The following SHB variants were observed in gnomAD, a reference collection of about 807,000 sequenced individuals.
SHB encodes SH2 domain containing adaptor protein B.
A neutral mutation model predicts 52.3 loss-of-function variants in SHB; 20 were observed. The observed-to-expected ratio is 0.38, with a 90% confidence interval of 0.27 to 0.56. The LOEUF (loss-of-function observed/expected upper bound fraction) is 0.56. SHB is among the 20% of genes least tolerant of loss of function. The pLI is 0.71. For synonymous variants in SHB, 397 were observed against 316.5 expected (o/e 1.25, Z -2.70); for missense variants, 825 against 723.3 (o/e 1.14, Z -1.61).
At chr9:37,944,257 G>A (rs1305412875) in intron 5 of SHB, among the ~76,000 whole-genome samples, 1 of 152,198 alleles carries the variant, frequency 6.6e-6, no homozygotes, top group Non-Finnish European at 1.5e-5. Flanking sequence ...TGCAAGTGCA[G>A]AAAGTTGGGG....
intron 3 of SHB, among the ~76,000 whole-genome samples, chr9:37,971,524 G>A (rs543221960): frequency 5.9e-4 from 90 of 152,326 alleles, no homozygotes; most frequent in African/African-American, 1.9e-3. Flanking sequence ...CAGCTCCTGA[G>A]TGAGATGGCC....
chr9:37,981,773 T>C (rs1564093794), intron 2 of SHB, among the ~76,000 whole-genome samples: 1 of 152,144 alleles, frequency 6.6e-6, no homozygotes, highest in Non-Finnish European at 1.5e-5. Flanking sequence ...ATTTCAACAT[T>C]GTTGTGTTTT....
intron 1 of SHB, among the ~76,000 whole-genome samples, chr9:38,026,846 C>G (rs942003934): frequency 6.6e-6 from 1 of 152,186 alleles, no homozygotes; most frequent in African/African-American, 2.4e-5. Context: ...GCTGTTCAGT[C>G]CGATCACCTC....
chr9:37,949,407 A>G (rs956743300), intron 4 of SHB, among the ~76,000 whole-genome samples: 48 of 151,696 alleles, frequency 3.2e-4, no homozygotes, highest in Non-Finnish European at 3.8e-4. Context: ...AAAAAAAAAA[A>G]AAAGAAAAAG....
intron 1 of SHB, among the ~76,000 whole-genome samples, chr9:38,058,792 C>T (rs561804881): frequency 1.3e-5 from 2 of 152,198 alleles, no homozygotes; most frequent in Non-Finnish European, 2.9e-5. Flanking sequence ...CTGCCTCAGG[C>T]TTCTGCACTG....
At chr9:38,020,531 T>C (rs1821268429) in intron 1 of SHB, among the ~76,000 whole-genome samples, 1 of 152,230 alleles carries the variant, frequency 6.6e-6, no homozygotes, top group African/African-American at 2.4e-5. Flanking sequence ...TGCAGCTCTT[T>C]TGTTTTCTTC....
At chr9:38,012,543 G>T (rs1211721699) in intron 2 of SHB, among the ~76,000 whole-genome samples, 1 of 151,994 alleles carries the variant, frequency 6.6e-6, no homozygotes, top group Non-Finnish European at 1.5e-5. Flanking sequence ...AAATATGGGG[G>T]CATACAACGT....
At chr9:37,954,537 C>T (rs1213202937) in intron 4 of SHB, among the ~76,000 whole-genome samples, 1 of 152,116 alleles carries the variant, frequency 6.6e-6, no homozygotes, top group Admixed American at 6.5e-5. Context: ...CACTCTGAGC[C>T]GTGAGTCCTT....
intron 5 of SHB, among the ~76,000 whole-genome samples, chr9:37,942,749 C>A (rs1437973168): frequency 1.3e-5 from 2 of 152,198 alleles, no homozygotes; most frequent in African/African-American, 4.8e-5. Flanking sequence ...ACTGCAGAGC[C>A]TGTGTTGTCC....
intron 3 of SHB, among the ~76,000 whole-genome samples, chr9:37,956,486 G>A (rs1832636119): frequency 6.6e-6 from 1 of 152,188 alleles, no homozygotes; most frequent in South Asian, 2.1e-4. Context: ...GGCCATACTG[G>A]CCACATCTGC....
chr9:37,967,736 G>T (rs1250820103), intron 3 of SHB, among the ~76,000 whole-genome samples: 1 of 152,252 alleles, frequency 6.6e-6, no homozygotes, highest in Non-Finnish European at 1.5e-5. Flanking sequence ...AACCCTGGGG[G>T]TGGAACCCCA....
chr9:38,000,640 T>C (rs1200682576), intron 2 of SHB, among the ~76,000 whole-genome samples: 2 of 152,228 alleles, frequency 1.3e-5, no homozygotes, highest in Non-Finnish European at 2.9e-5. Context: ...GTACAGTCCA[T>C]TGGGAAATGC....
At chr9:38,038,113 C>T (rs767120531) in intron 1 of SHB, among the ~76,000 whole-genome samples, 1 of 152,194 alleles carries the variant, frequency 6.6e-6, no homozygotes, top group African/African-American at 2.4e-5. Context: ...TTGGGTCTGG[C>T]TGTCCGGCTC....
At chr9:37,949,252 G>T (rs1832532296) in intron 4 of SHB, among the ~76,000 whole-genome samples, 1 of 152,132 alleles carries the variant, frequency 6.6e-6, no homozygotes, top group East Asian at 1.9e-4. Flanking sequence ...AATTAGCCGG[G>T]CGTGGTGGTG....
At chr9:38,027,088 C>T (rs538224554) in intron 1 of SHB, among the ~76,000 whole-genome samples, 1 of 152,360 alleles carries the variant, frequency 6.6e-6, no homozygotes, top group South Asian at 2.1e-4. Context: ...CTGTCTGCTT[C>T]CGCTCCACCA....
intron 2 of SHB, among the ~76,000 whole-genome samples, chr9:37,998,666 T>C (rs1353575701): frequency 1.3e-5 from 2 of 152,220 alleles, no homozygotes; most frequent in African/African-American, 4.8e-5. Flanking sequence ...TTGCCTAGGT[T>C]AGCCTCAAAC....
intron 5 of SHB, among the ~76,000 whole-genome samples, chr9:37,927,944 TTC>T (rs199776018): frequency 6.6e-6 from 1 of 150,924 alleles, no homozygotes; most frequent in African/African-American, 2.4e-5. Context: ...CTCTTTCTCT[TTC>T]TCTCTTTTTT....
chr9:37,991,862 G>A (rs536415339), intron 2 of SHB, among the ~76,000 whole-genome samples: 37 of 152,344 alleles, frequency 2.4e-4, no homozygotes, highest in African/African-American at 8.9e-4. Flanking sequence ...CAGACACCCT[G>A]TCAGAAGAGG....
At chr9:37,969,347 T>C (rs1820566892) in intron 3 of SHB, among the ~76,000 whole-genome samples, 1 of 152,156 alleles carries the variant, frequency 6.6e-6, no homozygotes, top group Admixed American at 6.5e-5. Context: ...CATGGGACCT[T>C]AGCTTCCTTA....
Sources: gnomAD v4.1 joint callset for allele counts (sites outside exome capture counted in the v4.1 genomes callset) on GRCh38, gnomAD v4.1.1 for gene constraint, MANE v1.5 for transcripts, NCBI Gene and HGNC (gene_info 2026-07-23, HGNC 2026-07-21) for gene names.